The following NALF1 variants were observed in gnomAD, a reference collection of about 807,000 sequenced individuals.
The protein encoded by NALF1 is family with sequence similarity 155 member A.
Under a neutral mutation model 48.4 loss-of-function variants are expected in NALF1, and 3 were observed. The observed-to-expected ratio is 0.06, with a 90% CI of 0.03 to 0.16. The LOEUF is 0.16. NALF1 is among the 10% of genes least tolerant of loss of function. The pLI is 1.00. For missense variants in NALF1, 526 were observed against 571.5 expected, an observed-to-expected ratio of 0.92 and a Z score of 0.81; for synonymous variants, 262 against 245.7, an observed-to-expected ratio of 1.07 and a Z score of -0.62.
chr13:107,294,233 G>A (rs750157752), intron 1 of NALF1, among the ~76,000 whole-genome samples: 3 of 152,142 alleles, frequency 2.0e-5, no homozygotes, highest in Non-Finnish European at 4.4e-5. Flanking sequence ...TATCTAAAAT[G>A]AGTTGAATCC....
intron 1 of NALF1, among the ~76,000 whole-genome samples, chr13:107,365,221 G>A (rs1457761064): frequency 2.0e-5 from 3 of 151,688 alleles, no homozygotes; most frequent in East Asian, 1.9e-4. Flanking sequence ...CTCAGGCGAC[G>A]TTTGAAAAGG....
chr13:107,724,552 C>G (rs912879956), intron 1 of NALF1, among the ~76,000 whole-genome samples: 1 of 151,502 alleles, frequency 6.6e-6, no homozygotes, highest in Admixed American at 6.6e-5. Context: ...CCCTCCCTCC[C>G]TCCCTTCCTT....
intron 1 of NALF1, among the ~76,000 whole-genome samples, chr13:107,434,304 A>G (rs1884428975): frequency 6.6e-6 from 1 of 152,204 alleles, no homozygotes; most frequent in Admixed American, 6.5e-5. Flanking sequence ...TAGCCTGATT[A>G]TCATTGACAC....
intron 1 of NALF1, among the ~76,000 whole-genome samples, chr13:107,793,592 T>A (rs967618533): frequency 1.3e-5 from 2 of 152,166 alleles, no homozygotes; most frequent in Non-Finnish European, 2.9e-5. Context: ...CTACTTCAAT[T>A]AAGGAATAGG....
chr13:107,754,191 A>G (rs748730604), intron 1 of NALF1, among the ~76,000 whole-genome samples: 1 of 152,140 alleles, frequency 6.6e-6, no homozygotes, highest in Non-Finnish European at 1.5e-5. Context: ...AGTAAAGTTT[A>G]TTTTTGTACT....
rs371219575 is a variant in NALF1 at position 107,366,708 on chromosome 13, G to A, written c.916-155953C>T. Among the ~76,000 whole-genome samples the A allele has an allele frequency of 1.4e-4, 22 of 152,310 alleles. No individual in the cohort carries two copies. The East Asian group carries it at 3.1e-3, about 21-fold the overall frequency. On this transcript the variant is annotated intron_variant, in intron 1 of 2. Transcript: ENST00000375915. Reference sequence around the variant, plus strand: ...GCTAAGCAATACAGAAGTTTCAATAGTTCTCATTTAGTCGTAAGCAATTTA... The same window carrying A: ...GCTAAGCAATACAGAAGTTTCAATAATTCTCATTTAGTCGTAAGCAATTTA...
intron 1 of NALF1, among the ~76,000 whole-genome samples, chr13:107,321,119 T>C (rs573052394): frequency 4.1e-4 from 62 of 152,268 alleles, no homozygotes; most frequent in African/African-American, 1.3e-3. Context: ...GAAGCAAATC[T>C]AGAAGACCTT....
At chr13:107,787,729 G>A (rs1878117008) in intron 1 of NALF1, among the ~76,000 whole-genome samples, 1 of 151,750 alleles carries the variant, frequency 6.6e-6, no homozygotes, top group South Asian at 2.1e-4. Flanking sequence ...AAAACCTCTT[G>A]CAAACTAATA....
At chr13:107,262,150 C>T (rs186032760) in intron 1 of NALF1, among the ~76,000 whole-genome samples, 6 of 152,292 alleles carry the variant, frequency 3.9e-5, no homozygotes, top group African/African-American at 1.2e-4. Context: ...CATGGTGGCT[C>T]ATACCTGTAA....
intron 1 of NALF1, among the ~76,000 whole-genome samples, chr13:107,286,661 A>G (rs538148594): frequency 6.6e-6 from 1 of 152,152 alleles, no homozygotes; most frequent in East Asian, 1.9e-4. Flanking sequence ...ATGAATGGAT[A>G]TATACAAATT....
intron 1 of NALF1, among the ~76,000 whole-genome samples, chr13:107,233,041 C>T (rs116348546): frequency 0.017 from 2,581 of 152,190 alleles, 78 homozygotes; most frequent in African/African-American, 0.059. Context: ...CTTTTCTGAC[C>T]GGCTGTACTG....
chr13:107,687,288 G>A (rs1881456228), intron 1 of NALF1, among the ~76,000 whole-genome samples: 1 of 151,984 alleles, frequency 6.6e-6, no homozygotes, highest in Admixed American at 6.6e-5. Flanking sequence ...CAGACACTGG[G>A]CACTCCAAGA....
At chr13:107,411,306 T>C (rs118039657) in intron 1 of NALF1, among the ~76,000 whole-genome samples, 2 of 138,018 alleles carry the variant, frequency 1.4e-5, no homozygotes, top group South Asian at 2.3e-4. Context: ...ATCTTGTTTT[T>C]TTTTTTTTTT....
intron 2 of NALF1, among the ~76,000 whole-genome samples, chr13:107,174,195 C>A (rs577624220): frequency 6.6e-6 from 1 of 151,924 alleles, no homozygotes; most frequent in African/African-American, 2.4e-5. Flanking sequence ...TTTGTTTGTC[C>A]CTTGTTCTTC....
Position 107,625,005 on chromosome 13 carries a change from T to C in NALF1, c.915+240677A>G, listed in dbSNP as rs148677889. 5.9e-5 allele frequency among the ~76,000 whole-genome samples: 9 copies of C among 152,336 alleles called. No individual in the cohort carries two copies. In the East Asian group the frequency reaches 1.7e-3, roughly 29 times the overall value. ...TTTATTCTCCATAACCCAAGGCTTT[T>C]TCAGCACACATTCATCTAACTCTAT... On this transcript the variant is annotated intron_variant, in intron 1 of 2. Transcript: ENST00000375915.
chr13:107,532,606 A>G (rs1274987563), intron 1 of NALF1, among the ~76,000 whole-genome samples: 1 of 152,110 alleles, frequency 6.6e-6, no homozygotes. Flanking sequence ...ATCAAATTAT[A>G]TTACATGAAG....
chr13:107,643,553 T>C (rs956478392), intron 1 of NALF1, among the ~76,000 whole-genome samples: 2 of 121,610 alleles, frequency 1.6e-5, no homozygotes, highest in African/African-American at 6.1e-5. Flanking sequence ...GGGGGGGGGG[T>C]GAAACGAAAT....
chr13:107,376,100 C>G (rs146786328), intron 1 of NALF1, among the ~76,000 whole-genome samples: 34 of 152,234 alleles, frequency 2.2e-4, no homozygotes, highest in African/African-American at 8.2e-4. Context: ...TTTGGACAAT[C>G]AAGCAGCCCT....
At chr13:107,232,851 G>A (rs1594081608) in intron 1 of NALF1, among the ~76,000 whole-genome samples, 1 of 152,236 alleles carries the variant, frequency 6.6e-6, no homozygotes, top group East Asian at 1.9e-4. Flanking sequence ...TTCATATGTT[G>A]TGCTCCTACC....
Sources: gnomAD v4.1 joint callset for allele counts (sites outside exome capture counted in the v4.1 genomes callset) on GRCh38, gnomAD v4.1.1 for gene constraint, MANE v1.5 for transcripts, NCBI Gene and HGNC (gene_info 2026-07-23, HGNC 2026-07-21) for gene names.